LIPA: variants seen among roughly 807,000 people sequenced by gnomAD.
LIPA encodes the protein lipase A, lysosomal acid type.
A neutral mutation model predicts 40.6 loss-of-function variants in LIPA; 26 were observed. The ratio of observed to expected loss-of-function variants is 0.64; its 90% CI spans 0.47 to 0.89. The LOEUF is 0.89. Among genes scored for constraint, LIPA ranks in the 40% least tolerant of loss-of-function variants. The pLI is 0.00. For missense variants in LIPA, 455 were observed against 479.6 expected (o/e 0.95, Z 0.48); for synonymous variants, 188 against 168.4 (o/e 1.12, Z -0.90).
In LIPA at chr10:89,251,473, C is replaced by A. The variant is rs146037113; in HGVS notation, c.-2+264G>T. On this transcript the variant is annotated intron_variant, in intron 1 of 9. Transcript: ENST00000336233. Reference sequence around the variant, plus strand: ...TTCACTGACCGGAGACCGCGCCTGTCCAGGAAAGTGGACAGCGCCCAGGGA... The same window carrying A: ...TTCACTGACCGGAGACCGCGCCTGTACAGGAAAGTGGACAGCGCCCAGGGA... Among the ~76,000 whole-genome samples the A allele has an allele frequency of 1.3e-4, 19 of 147,122 alleles. No homozygotes were observed. The East Asian group carries it at 2.8e-3, about 21-fold the overall frequency.
intron 2 of LIPA, among the ~76,000 whole-genome samples, chr10:89,364,132 A>G (rs1013692512): frequency 1.3e-5 from 2 of 152,242 alleles, no homozygotes; most frequent in South Asian, 2.1e-4. Flanking sequence ...GGTGGCACAC[A>G]TCGCATCATC....
At position 89,364,273 on chromosome 10, in the gene LIPA, C is replaced by T. The variant is rs116727219; in HGVS notation, c.61+48518G>A. 6.8e-3 allele frequency among the ~76,000 whole-genome samples: 1,041 copies of T among 152,260 alleles called. 6 individuals are homozygous for T. Among genetic ancestry groups the T allele is most frequent in the African/African-American group, 0.024 (988 of 41,558 alleles). Reference sequence around the variant, plus strand: ...TCTTGTGTTAGGTACCTGGCACCTGCCAGACCAATCAGACTTCTGAGAATT... The same window carrying T: ...TCTTGTGTTAGGTACCTGGCACCTGTCAGACCAATCAGACTTCTGAGAATT... On this transcript the variant is annotated intron_variant, in intron 2 of 8. Transcript: ENST00000371837.
At chr10:89,354,656 C>T (rs934613307) in intron 2 of LIPA, among the ~76,000 whole-genome samples, 3 of 152,260 alleles carry the variant, frequency 2.0e-5, no homozygotes, top group African/African-American at 7.2e-5. Context: ...CAACCTCTGC[C>T]TCTCAGGTTC....
intron 1 of LIPA, among the ~76,000 whole-genome samples, chr10:89,273,451 A>C (rs1001901665): frequency 3.3e-5 from 5 of 152,194 alleles, no homozygotes; most frequent in Non-Finnish European, 7.4e-5. Flanking sequence ...ATGTAGCAGG[A>C]GCTCAGGAGA....
intron 3 of LIPA, among the ~76,000 whole-genome samples, chr10:89,233,323 G>A (rs1434430308): frequency 1.3e-5 from 2 of 152,172 alleles, no homozygotes; most frequent in Non-Finnish European, 2.9e-5. Flanking sequence ...GTTTTCTCAT[G>A]GGAAATGCTG....
chr10:89,221,166 A>C (rs1201938764), intron 8 of LIPA, among the ~76,000 whole-genome samples: 1 of 152,074 alleles, frequency 6.6e-6, no homozygotes, highest in Non-Finnish European at 1.5e-5. Context: ...AAACACTGAA[A>C]TATATCAAAT....
chr10:89,349,845 G>A (rs2133585665), intron 2 of LIPA, among the ~76,000 whole-genome samples: 2 of 152,258 alleles, frequency 1.3e-5, no homozygotes, highest in Non-Finnish European at 2.9e-5. Flanking sequence ...TTGAGTTAAA[G>A]GGAATTGAAA....
At chr10:89,258,445 A>G (rs1247317048) in intron 1 of LIPA, among the ~76,000 whole-genome samples, 2 of 152,212 alleles carry the variant, frequency 1.3e-5, no homozygotes, top group African/African-American at 4.8e-5. Flanking sequence ...GACCCCTTCA[A>G]AGTAAAATAA....
At chr10:89,297,944 G>A (rs367966429) in intron 1 of LIPA, among the ~76,000 whole-genome samples, 6 of 152,336 alleles carry the variant, frequency 3.9e-5, no homozygotes, top group South Asian at 2.1e-4. Context: ...AAAGAACAGC[G>A]TCTCTCCTCT....
upstream of LIPA, among the ~76,000 whole-genome samples, chr10:89,253,746 CA>C (rs1843165434): frequency 6.6e-6 from 1 of 152,230 alleles, no homozygotes; most frequent in Admixed American, 6.5e-5. Context: ...CTGGTAAAAT[CA>C]AAAGCAAGTT....
At position 89,214,840 on chromosome 10, in the gene LIPA, C is replaced by T. The variant is rs750001661; in HGVS notation, c.1188G>A (p.Arg396=). 4.4e-6 allele frequency: 7 copies of T among 1,588,730 alleles called. No homozygotes were observed. The highest frequency in any genetic ancestry group is 6.0e-6 in the Non-Finnish European group (7 of 1,157,342). Residue 396 remains arginine, a synonymous_variant, in exon 10 of 10, where the codon AGG becomes AGA. Transcript: ENST00000336233. ...TCAAGTCCAGCTTTCACTGATATTT[C>T]CTCATTAGATTAATAATTTTATTAT... ...RLYNKIINLM[R]KYQ is the part of the protein sequence containing the mutation.
At chr10:89,406,687 G>T (rs1441841678) in intron 2 of LIPA, among the ~76,000 whole-genome samples, 2 of 152,094 alleles carry the variant, frequency 1.3e-5, no homozygotes, top group Admixed American at 1.3e-4. Context: ...CCCACCAGAA[G>T]GAAGAAACTC....
At chr10:89,249,980 T>C (rs748181829) in intron 1 of LIPA, among the ~76,000 whole-genome samples, 1 of 152,194 alleles carries the variant, frequency 6.6e-6, no homozygotes, top group Non-Finnish European at 1.5e-5. Flanking sequence ...CTCAGGAGAT[T>C]GCAAAAGTGA....
At chr10:89,304,308 C>G (rs1843464189) in intron 1 of LIPA, among the ~76,000 whole-genome samples, 1 of 152,068 alleles carries the variant, frequency 6.6e-6, no homozygotes, top group African/African-American at 2.4e-5. Context: ...ATCAGGCATC[C>G]TAATGGCAGA....
At chr10:89,262,932 A>G (rs1221312911) in intron 1 of LIPA, among the ~76,000 whole-genome samples, 3 of 152,242 alleles carry the variant, frequency 2.0e-5, no homozygotes, top group African/African-American at 4.8e-5. Flanking sequence ...GCCAAGCCCA[A>G]TTACATGTGC....
At chr10:89,315,587 GAA>G (rs35064797) in intron 1 of LIPA, among the ~76,000 whole-genome samples, 4 of 149,848 alleles carry the variant, frequency 2.7e-5, no homozygotes, top group Admixed American at 1.3e-4. Context: ...AAAATGAAAA[GAA>G]AAAAAAAACC....
In LIPA at chr10:89,339,563, A is replaced by G. The variant is rs767685217; in HGVS notation, c.-2+3048T>C. 5.0e-6 allele frequency: 8 copies of G among 1,614,202 alleles called. No individual in the cohort carries two copies. In the South Asian group the frequency reaches 7.7e-5, roughly 16 times the overall value. On this transcript the variant is annotated intron_variant, in intron 1 of 5. Coordinates refer to the LIPA transcript ENST00000282673. ...ACAGGAGAATCTGAAGCTAGTGGAA[A>G]TAAAGAGATGATTGAAGCACTAAAG...
At chr10:89,359,114 C>A (rs1844005083) in intron 2 of LIPA, among the ~76,000 whole-genome samples, 1 of 152,074 alleles carries the variant, frequency 6.6e-6, no homozygotes, top group Non-Finnish European at 1.5e-5. Flanking sequence ...TTTGGCACTG[C>A]TGGAGAGGAG....
chr10:89,356,180 C>T (rs1436301824), intron 2 of LIPA, among the ~76,000 whole-genome samples: 1 of 152,046 alleles, frequency 6.6e-6, no homozygotes, highest in Non-Finnish European at 1.5e-5. Context: ...TAAGGAACAA[C>T]CAAATGGAAG....
Sources: allele counts gnomAD v4.1 joint callset (sites outside exome capture counted in the v4.1 genomes callset), GRCh38; gene constraint gnomAD v4.1.1; transcripts MANE v1.5; gene names NCBI Gene and HGNC (gene_info 2026-07-23, HGNC 2026-07-21).